The following NSD1 variants were observed in gnomAD, a reference collection of about 807,000 sequenced individuals.
NSD1 encodes nuclear receptor binding SET domain protein 1, also known as histone-lysine N-methyltransferase, H3 lysine-36 specific.
Under a neutral mutation model 242.7 loss-of-function variants are expected in NSD1, and 26 were observed. The observed-to-expected ratio is 0.11, with a 90% CI of 0.08 to 0.15. The LOEUF (loss-of-function observed/expected upper bound fraction) is 0.15, where lower values mean the gene tolerates loss of function less well. Ranked by LOEUF, NSD1 falls within the 10% of genes least tolerant of loss-of-function variation. NSD1 has a pLI of 1.00. For synonymous variants in NSD1, 1,106 were observed against 1,178.1 expected (o/e 0.94, Z 1.25); for missense variants, 2,495 against 3,272.8 (o/e 0.76, Z 5.80).
At chr5:177,149,103 G>A (rs901069363) in intron 2 of NSD1, among the ~76,000 whole-genome samples, 1 of 152,120 alleles carries the variant, frequency 6.6e-6, no homozygotes, top group Non-Finnish European at 1.5e-5. Flanking sequence ...TCAGGCATGA[G>A]CCATTGCACC....
intron 3 of NSD1, 55 bp downstream of exon 3, chr5:177,192,074 A>G (rs1413539911): frequency 1.7e-5 from 25 of 1,451,362 alleles, no homozygotes; most frequent in South Asian, 1.0e-4. Flanking sequence ...GAATAACTCA[A>G]TTTTTGTTAT....
rs554048816 is a variant in NSD1 at position 177,243,956 on chromosome 5, G to A, written c.4303-239G>A. Among the ~76,000 whole-genome samples, 9 of 152,210 alleles carry A rather than the reference G, an allele frequency of 5.9e-5. No homozygotes were observed. In the South Asian group the frequency reaches 6.2e-4, roughly 11 times the overall value. On this transcript the variant is annotated intron_variant, in intron 8 of 22. Transcript: ENST00000439151. ...GATCCACCCGCCTCAGCCTCCTAAC[G>A]TGCTAGGATTACAGGTGTGAGCCAT...
rs1756251979 is a variant in NSD1 at position 177,135,635 on chromosome 5, G to A, written c.532G>A (p.Glu178Lys). The A allele has an allele frequency of 8.7e-6, 14 of 1,614,208 alleles. No individual in the cohort carries two copies. The highest frequency in any genetic ancestry group is 1.6e-4 in the Middle Eastern group (1 of 6,062). ...MDPEQPVTED[E>K]SIEEIFEETQ... ...CCCAGAACAGCCAGTCACAGAGGAT[G>A]AGAGTATAGAGGAGATCTTTGAGGA... The change falls in exon 2 of 23, where the codon GAG (glutamate) becomes AAG (lysine). Residue 178 changes from glutamate (E) to lysine (K), a missense_variant. Physicochemically the swap from Glu to Lys is moderately conservative, Grantham distance 56. Around this residue, in one of 19 missense-constraint regions of NSD1, gnomAD observed 376 missense variants for 367.4 expected, o/e 1.02. Transcript: ENST00000439151.
chr5:177,138,904 G>T (rs1756575136), intron 2 of NSD1, among the ~76,000 whole-genome samples: 1 of 150,474 alleles, frequency 6.6e-6, no homozygotes, highest in South Asian at 2.1e-4. Context: ...CTCCCAAAGT[G>T]CTGGGATTAC....
chr5:177,204,363 T>G, intron 4 of NSD1, 71 bp downstream of exon 4: 1 of 1,415,906 alleles, frequency 7.1e-7, no homozygotes, highest in Non-Finnish European at 9.9e-7. Context: ...TGGCCTCTTA[T>G]TTATTTTCGA....
chr5:177,251,497 C>T (rs1755958917), intron 11 of NSD1, among the ~76,000 whole-genome samples: 1 of 152,198 alleles, frequency 6.6e-6, no homozygotes, highest in Admixed American at 6.6e-5. Flanking sequence ...TTCCATGTAG[C>T]AGTCAGAACA....
chr5:177,222,282 C>T lies in NSD1; in HGVS notation c.3796+10087C>T, dbSNP rs145274728. 2.4e-3 allele frequency among the ~76,000 whole-genome samples: 364 copies of T among 152,268 alleles called. 12 individuals are homozygous for T. The East Asian group carries it at 0.062, about 26-fold the overall frequency. ...TAGCTTGGACTACAGGCGCGCACCA[C>T]CACGCCCAGCTAATTTTTGTGTTCT... On this transcript the variant is annotated intron_variant, in intron 5 of 22. Transcript: ENST00000439151.
At chr5:177,225,491 C>T (rs921376560) in intron 5 of NSD1, among the ~76,000 whole-genome samples, 2 of 152,026 alleles carry the variant, frequency 1.3e-5, no homozygotes, top group Non-Finnish European at 2.9e-5. Flanking sequence ...ATAGAATGAA[C>T]GTGACAGGTA....
intron 14 of NSD1, chr5:177,266,583 CG>C: frequency 1.5e-6 from 1 of 681,234 alleles, no homozygotes; most frequent in Non-Finnish European, 2.2e-6. Flanking sequence ...CCTCGGCGGC[CG>C]CCATCTTCAC....
chr5:177,280,868 C>T, intron 18 of NSD1, 34 bp downstream of exon 18: 1 of 1,609,538 alleles, frequency 6.2e-7, no homozygotes, highest in Non-Finnish European at 8.5e-7. Context: ...ATACTTTCTC[C>T]TCTTTGCAGT....
intron 20 of NSD1, 183 bp from the exon 21 acceptor site, chr5:177,288,636 T>G (rs1020176996): frequency 1.8e-6 from 1 of 560,306 alleles, no homozygotes; most frequent in African/African-American, 1.9e-5. Context: ...TTAAGTTTTC[T>G]CTGTTAAATT....
intron 2 of NSD1, among the ~76,000 whole-genome samples, chr5:177,176,425 C>CT (rs537202358): frequency 0.026 from 3,554 of 138,294 alleles, 57 homozygotes; most frequent in Non-Finnish European, 0.037. Context: ...CCTGGCTATT[C>CT]TTTTTTTTTT....
chr5:177,252,881 A>G (rs981530645), intron 12 of NSD1, among the ~76,000 whole-genome samples: 4 of 146,112 alleles, frequency 2.7e-5, no homozygotes, highest in East Asian at 2.0e-4. Flanking sequence ...TATAGATCTT[A>G]TGCCTGTAAG....
At chr5:177,184,410 G>A (rs1202546580) in intron 2 of NSD1, among the ~76,000 whole-genome samples, 1 of 152,144 alleles carries the variant, frequency 6.6e-6, no homozygotes, top group Non-Finnish European at 1.5e-5. Context: ...CCATTCGTAT[G>A]TCTTTTTGAG....
rs368427909 is a variant in NSD1 at position 177,294,391 on chromosome 5, C to T, written c.7023C>T (p.Ser2341=). Residue 2341 remains serine, a synonymous_variant, in exon 23 of 23, where the codon TCC becomes TCT. Coordinates refer to ENST00000439151, the MANE Select transcript of NSD1 (RefSeq NM_022455.5). ...CCTCTCCAGTGACCAGCCCAAGCTC[C>T]TCACCCTCAGTCAGGTCCCAACCAC... The part of the protein sequence containing the change: ...DKPSPVTSPS[S]SPSVRSQPLE... The T allele has an allele frequency of 5.0e-6, 8 of 1,614,094 alleles. No individual in the cohort carries two copies. Among genetic ancestry groups the T allele is most frequent in the Non-Finnish European group, 6.8e-6 (8 of 1,180,042 alleles).
intron 16 of NSD1, among the ~76,000 whole-genome samples, chr5:177,273,217 G>A (rs1219667014): frequency 6.8e-6 from 1 of 147,404 alleles, no homozygotes; most frequent in Non-Finnish European, 1.5e-5. Flanking sequence ...CTAACGCACA[G>A]TTGTCTAATC....
At chr5:177,254,611 G>A (rs541137728) in intron 12 of NSD1, among the ~76,000 whole-genome samples, 28 of 152,176 alleles carry the variant, frequency 1.8e-4, no homozygotes, top group Middle Eastern at 3.4e-3. Flanking sequence ...TGTTGGCCAG[G>A]CTGTTCTCAA....
intron 8 of NSD1, among the ~76,000 whole-genome samples, chr5:177,241,643 C>T (rs1449712528): frequency 2.6e-5 from 4 of 151,890 alleles, no homozygotes; most frequent in Non-Finnish European, 5.9e-5. Flanking sequence ...AGGGGGTTGC[C>T]GTTAAATTTG....
chr5:177,157,000 A>G (rs757543213), intron 2 of NSD1, among the ~76,000 whole-genome samples: 5 of 152,038 alleles, frequency 3.3e-5, no homozygotes, highest in Non-Finnish European at 5.9e-5. Flanking sequence ...ATAAATGTAT[A>G]CTAACTGCAT....
Sources: gnomAD v4.1 joint callset for allele counts (sites outside exome capture counted in the v4.1 genomes callset) on GRCh38, gnomAD v4.1.1 for gene constraint, gnomAD v4.1.1 regional missense constraint, MANE v1.5 for transcripts, NCBI Gene and HGNC (gene_info 2026-07-23, HGNC 2026-07-21) for gene names.